XPNPEP3: variants seen among roughly 807,000 people sequenced by gnomAD.
The protein encoded by XPNPEP3 is xaa-Pro aminopeptidase 3.
XPNPEP3 carries 41 observed loss-of-function variants against 60.0 expected under a neutral mutation model. The ratio of observed to expected loss-of-function variants is 0.68; its 90% CI spans 0.53 to 0.89. XPNPEP3 has a LOEUF of 0.89. Ranked by LOEUF, XPNPEP3 falls within the 40% of genes least tolerant of loss-of-function variation. The pLI, the probability that XPNPEP3 is intolerant of heterozygous loss-of-function variation, is 0.00. For missense variants in XPNPEP3, 598 were observed against 638.9 expected (o/e 0.94, Z 0.69); for synonymous variants, 212 against 223.2 (o/e 0.95, Z 0.45).
At chr22:40,860,935 A>T in intron 1 of XPNPEP3, 3 of 922,940 alleles carry the variant, frequency 3.3e-6, no homozygotes, top group Admixed American at 3.1e-5. Context: ...AAAACTACTA[A>T]CCAAATGTCC....
At chr22:40,899,857 A>G in intron 4 of XPNPEP3, among the ~76,000 whole-genome samples, 1 of 149,638 alleles carries the variant, frequency 6.7e-6, no homozygotes, top group East Asian at 2.0e-4. Flanking sequence ...TTGTACCCCT[A>G]CTTCACACCT....
chr22:40,913,167 T>TGG (rs1421712584), intron 6 of XPNPEP3, among the ~76,000 whole-genome samples: 1 of 152,048 alleles, frequency 6.6e-6, no homozygotes, highest in Non-Finnish European at 1.5e-5. Context: ...TGTATTATGA[T>TGG]GGAGAGCAAA....
chr22:40,886,561 C>T (rs772744744), intron 4 of XPNPEP3, 46 bp downstream of exon 4: 6 of 1,588,006 alleles, frequency 3.8e-6, no homozygotes, highest in Non-Finnish European at 5.1e-6. Context: ...CGCGGTGGCT[C>T]ACGCCTGTAA....
chr22:40,876,799 T>TA (rs2058029189), intron 2 of XPNPEP3, among the ~76,000 whole-genome samples: 1 of 152,240 alleles, frequency 6.6e-6, no homozygotes, highest in Non-Finnish European at 1.5e-5. Context: ...ATTTTCTCCT[T>TA]ACATTTTTTA....
chr22:40,875,976 C>T (rs1024651328), intron 2 of XPNPEP3, among the ~76,000 whole-genome samples: 2 of 151,960 alleles, frequency 1.3e-5, no homozygotes, highest in African/African-American at 2.4e-5. Context: ...GCTAAGATTG[C>T]GCCACTGTGC....
chr22:40,898,634 A>G (rs953577067), intron 4 of XPNPEP3, among the ~76,000 whole-genome samples: 8 of 152,076 alleles, frequency 5.3e-5, no homozygotes, highest in African/African-American at 1.9e-4. Context: ...TTCTTTCTTG[A>G]TTTTATTTCT....
At chr22:40,893,098 A>G (rs2058094459) in intron 4 of XPNPEP3, among the ~76,000 whole-genome samples, 2 of 142,434 alleles carry the variant, frequency 1.4e-5, no homozygotes, top group African/African-American at 2.5e-5. Flanking sequence ...TATTTAGTTT[A>G]TATATAAATA....
At chr22:40,877,667 A>G (rs958937339) in intron 2 of XPNPEP3, among the ~76,000 whole-genome samples, 8 of 152,238 alleles carry the variant, frequency 5.3e-5, no homozygotes, top group Non-Finnish European at 8.8e-5. Context: ...GAGCCTTTCC[A>G]TCTTAAGTGG....
chr22:40,901,559 A>T (rs1438928987), intron 4 of XPNPEP3, among the ~76,000 whole-genome samples: 1 of 152,100 alleles, frequency 6.6e-6, no homozygotes, highest in Non-Finnish European at 1.5e-5. Context: ...TTACAGTTCA[A>T]CAACAGGCCA....
In XPNPEP3 at chr22:40,931,468, C is replaced by T. The variant is rs2058254424; in HGVS notation, c.*5033C>T. On this transcript the variant is annotated 3_prime_UTR_variant, in exon 10 of 10. Transcript: ENST00000357137. ...GTGGATCACAGCTATAATCCCAGCA[C>T]TTTGGGAGACCAAGGAGGGATGGTC... The T allele has an allele frequency of 1.3e-5, 2 of 152,208 alleles. No homozygotes were observed. The highest frequency in any genetic ancestry group is 4.1e-4 in the South Asian group (2 of 4,834). 9.4% of individuals were successfully genotyped at this position (152,208 alleles called of 1,614,324 possible).
chr22:40,902,343 C>T (rs1278710848), intron 4 of XPNPEP3, among the ~76,000 whole-genome samples: 4 of 150,116 alleles, frequency 2.7e-5, no homozygotes, highest in Admixed American at 6.7e-5. Flanking sequence ...CTCCACCTCC[C>T]GGGTTCACGC....
rs1983978128 is a variant in XPNPEP3, at chr22:40,929,327, GA to G, written c.*2894del. ...CTGCCTCAGCCTCCCGAATAGCTAGGAATACAGGCGCCTGCCACCACACCCG... is the reference window on the plus strand; with the variant it reads ...CTGCCTCAGCCTCCCGAATAGCTAGGATACAGGCGCCTGCCACCACACCCG... On this transcript the variant is annotated 3_prime_UTR_variant, in exon 10 of 10. Coordinates refer to ENST00000357137, the MANE Select transcript of XPNPEP3 (RefSeq NM_022098.4). 1 of 151,992 alleles carries G rather than the reference GA, an allele frequency of 6.6e-6. No homozygotes were observed. Among genetic ancestry groups the G allele is most frequent in the Non-Finnish European group, 1.5e-5 (1 of 68,134 alleles). 9.4% of individuals were successfully genotyped at this position (151,992 alleles called of 1,614,324 possible). A position where few individuals can be genotyped will look rare whatever the true frequency, so the allele number is the denominator to read the frequency against.
intron 5 of XPNPEP3, among the ~76,000 whole-genome samples, chr22:40,908,039 C>T (rs1466501355): frequency 6.6e-6 from 1 of 152,036 alleles, no homozygotes; most frequent in African/African-American, 2.4e-5. Context: ...CGTGGCAAAA[C>T]CCCATCTCTA....
intron 1 of XPNPEP3, chr22:40,860,944 C>T: frequency 1.0e-6 from 1 of 985,374 alleles, no homozygotes; most frequent in South Asian, 1.8e-5. Flanking sequence ...AACCAAATGT[C>T]CACAATCCTG....
At position 40,907,484 on chromosome 22, in the gene XPNPEP3, T is replaced by C; in HGVS notation, c.793-103T>C. 4 of 1,224,486 alleles carry C rather than the reference T, an allele frequency of 3.3e-6. No individual in the cohort carries two copies. In the East Asian group the frequency reaches 7.0e-5, roughly 22 times the overall value. The allele number at this position is 1,224,486 out of a possible 1,614,324, so 75.9% of individuals were successfully genotyped here. A position where few individuals can be genotyped will look rare whatever the true frequency, so the allele number is the denominator to read the frequency against. ...AGGTCACAACTTCAGGCTGACGAAA[T>C]TGTGGGAAAAGGTGCTTTTCATTTG... is the stretch of plus-strand genomic sequence containing the variant. On this transcript the variant is annotated intron_variant, in intron 4 of 9. Coordinates refer to ENST00000357137, the MANE Select transcript of XPNPEP3 (RefSeq NM_022098.4).
At chr22:40,859,690 A>T (rs1267577992) in intron 1 of XPNPEP3, 1 of 152,192 alleles carries the variant, frequency 6.6e-6, no homozygotes, top group African/African-American at 2.4e-5. Context: ...ACAAAACACA[A>T]GCTCTTGACT....
intron 2 of XPNPEP3, among the ~76,000 whole-genome samples, chr22:40,869,542 A>G (rs1251782366): frequency 1.3e-5 from 2 of 152,238 alleles, no homozygotes; most frequent in Non-Finnish European, 1.5e-5. Flanking sequence ...TCTTGAAATT[A>G]TCAAATATTT....
chr22:40,922,532 C>A lies in XPNPEP3; in HGVS notation c.1236+19C>A, dbSNP rs761944263. The A allele has an allele frequency of 6.8e-6, 11 of 1,612,972 alleles. No homozygotes were observed. The highest frequency in any genetic ancestry group is 9.3e-6 in the Non-Finnish European group (11 of 1,179,560). On this transcript the variant is annotated intron_variant, in intron 8 of 9. Coordinates refer to ENST00000357137, the MANE Select transcript of XPNPEP3 (RefSeq NM_022098.4). ...CTTCAAGGTACTTCACTTCTCTTGACCCCAGTTCTCAAGAACACCTAGCAT... is the reference window on the plus strand; with the variant it reads ...CTTCAAGGTACTTCACTTCTCTTGAACCCAGTTCTCAAGAACACCTAGCAT...
chr22:40,907,465 C>A, intron 4 of XPNPEP3, 122 bp from the exon 5 acceptor site: 1 of 1,018,698 alleles, frequency 9.8e-7, no homozygotes, highest in Non-Finnish European at 1.5e-6. Context: ...CAGTAGGTCA[C>A]AACTTCAGGC....
Sources: allele counts gnomAD v4.1 joint callset (sites outside exome capture counted in the v4.1 genomes callset), GRCh38; gene constraint gnomAD v4.1.1; transcripts MANE v1.5; gene names NCBI Gene and HGNC (gene_info 2026-07-23, HGNC 2026-07-21).